Variants in NBAS observed in about 807,000 individuals in gnomAD.
The protein encoded by NBAS is NAG/BC035112 fusion.
Under a neutral mutation model 302.5 loss-of-function variants are expected in NBAS, and 219 were observed. The ratio of observed to expected loss-of-function variants is 0.72; its 90% CI spans 0.65 to 0.81. The LOEUF (loss-of-function observed/expected upper bound fraction) is 0.81, where lower values mean the gene tolerates loss of function less well. Among genes scored for constraint, NBAS ranks in the 30% least tolerant of loss-of-function variants. NBAS has a pLI of 0.00. For synonymous variants in NBAS, 1,118 were observed against 1,021.6 expected (o/e 1.09, Z -1.80); for missense variants, 2,932 against 2,841.6 (o/e 1.03, Z -0.72).
At chr2:15,250,255 G>A (rs973990179) in intron 44 of NBAS, among the ~76,000 whole-genome samples, 1 of 152,194 alleles carries the variant, frequency 6.6e-6, no homozygotes, top group African/African-American at 2.4e-5. Context: ...AAACTGGCTA[G>A]GCATATGCAG....
the NBAS span, among the ~76,000 whole-genome samples, chr2:15,066,998 C>G: frequency 6.6e-6 from 1 of 151,864 alleles, no homozygotes; most frequent in Non-Finnish European, 1.5e-5. Context: ...TGTAATAATG[C>G]ATACAATAGA....
the NBAS span, among the ~76,000 whole-genome samples, chr2:15,044,930 AT>A: frequency 1.3e-5 from 2 of 152,230 alleles, no homozygotes; most frequent in Non-Finnish European, 2.9e-5. Flanking sequence ...CCAAAACATA[AT>A]TGGGGTAAGG....
chr2:15,294,056 G>A (rs1042282386), intron 40 of NBAS, among the ~76,000 whole-genome samples: 3 of 151,992 alleles, frequency 2.0e-5, no homozygotes, highest in African/African-American at 7.3e-5. Flanking sequence ...TAAATTTCTT[G>A]TGCACCTGTT....
intron 13 of NBAS, among the ~76,000 whole-genome samples, chr2:15,477,995 T>C (rs1266820416): frequency 2.6e-5 from 4 of 152,230 alleles, no homozygotes; most frequent in African/African-American, 4.8e-5. Context: ...CTTCTAAGCA[T>C]TGAACTCAGT....
chr2:14,780,717 A>T, the NBAS span, among the ~76,000 whole-genome samples: 161 of 152,310 alleles, frequency 1.1e-3, no homozygotes, highest in African/African-American at 3.8e-3. Context: ...TTCACCCCAA[A>T]TAACTTAGGG....
the NBAS span, among the ~76,000 whole-genome samples, chr2:14,835,424 A>G: frequency 6.6e-6 from 1 of 152,040 alleles, no homozygotes; most frequent in Admixed American, 6.6e-5. Context: ...GAGGAGACAG[A>G]GCATTCCCAG....
chr2:15,352,338 C>T (rs547210194), intron 34 of NBAS, among the ~76,000 whole-genome samples: 24 of 152,234 alleles, frequency 1.6e-4, no homozygotes, highest in African/African-American at 5.5e-4. Flanking sequence ...GTGTTCAGGT[C>T]TGGAACAGCC....
chr2:15,366,602 A>G lies in NBAS; in HGVS notation c.3795T>C (p.Leu1265=), dbSNP rs536058496. ...CYKQSTKLLG[L]AELLRVAGEN... Reference sequence around the variant, plus strand: ...TACCTGCAACCCTCAGCAGCTCAGCAAGGCCCAGAAGCTTGGTGGATTGTT... The same window carrying G: ...TACCTGCAACCCTCAGCAGCTCAGCGAGGCCCAGAAGCTTGGTGGATTGTT... Residue 1265 remains leucine, a synonymous_variant, in exon 32 of 52, where the codon CTT becomes CTC. Transcript: ENST00000281513. 8.7e-6 allele frequency: 14 copies of G among 1,614,106 alleles called. No individual in the cohort carries two copies. The South Asian group carries it at 1.5e-4, about 18-fold the overall frequency.
intron 44 of NBAS, among the ~76,000 whole-genome samples, chr2:15,258,916 G>T (rs990262172): frequency 6.6e-6 from 1 of 152,162 alleles, no homozygotes; most frequent in African/African-American, 2.4e-5. Context: ...CTGGTTTTGC[G>T]GCTCAGATGG....
chr2:14,982,536 T>C, the NBAS span, among the ~76,000 whole-genome samples: 5 of 152,118 alleles, frequency 3.3e-5, no homozygotes, highest in African/African-American at 1.2e-4. Context: ...AGAAAATGAC[T>C]AGTCACTTCT....
the NBAS span, among the ~76,000 whole-genome samples, chr2:14,783,785 G>C: frequency 6.6e-6 from 1 of 152,062 alleles, no homozygotes; most frequent in African/African-American, 2.4e-5. Flanking sequence ...AAACATATGT[G>C]TGCATATGTC....
At chr2:14,884,968 A>G in the NBAS span, among the ~76,000 whole-genome samples, 2 of 152,324 alleles carry the variant, frequency 1.3e-5, no homozygotes, top group South Asian at 4.1e-4. Context: ...TAGACAGACA[A>G]TGTGAGACAA....
chr2:14,998,713 C>A, the NBAS span, among the ~76,000 whole-genome samples: 1 of 152,136 alleles, frequency 6.6e-6, no homozygotes, highest in African/African-American at 2.4e-5. Context: ...ATGTGTCTCA[C>A]ATACACACAC....
At chr2:14,819,455 C>T in the NBAS span, among the ~76,000 whole-genome samples, 1 of 152,130 alleles carries the variant, frequency 6.6e-6, no homozygotes. Flanking sequence ...GATTTTTAAG[C>T]CCAGCTATGA....
At chr2:15,096,654 A>G in the NBAS span, among the ~76,000 whole-genome samples, 1 of 152,138 alleles carries the variant, frequency 6.6e-6, no homozygotes, top group Non-Finnish European at 1.5e-5. Flanking sequence ...GGGAGGTGCC[A>G]TGTTACCAAG....
rs374709670 is a variant in NBAS at position 15,394,238 on chromosome 2, G to A, written c.3246C>T (p.His1082=). 3.7e-6 allele frequency: 6 copies of A among 1,608,688 alleles called. No homozygotes were observed. Among genetic ancestry groups the A allele is most frequent in the Non-Finnish European group, 5.1e-6 (6 of 1,176,830 alleles). Residue 1082 remains histidine (H), a synonymous_variant, in exon 28 of 52, where the codon CAC becomes CAT. Coordinates refer to ENST00000281513, the MANE Select transcript of NBAS (RefSeq NM_015909.4). The stretch of plus-strand genomic sequence containing the variant: ...ATTTTATTACTCACTTCCGGCCAGT[G>A]TGCCTCGTCAATCTAACCATCAGCT... ...ARKLMVRLTR[H]TGRKQPPVSE... is the part of the protein sequence containing the mutation.
intron 1 of NBAS, among the ~76,000 whole-genome samples, chr2:15,558,954 A>G (rs1474002331): frequency 1.4e-5 from 2 of 147,792 alleles, no homozygotes; most frequent in African/African-American, 4.9e-5. Context: ...CTATAGTCCC[A>G]GCTACTTGGG....
intron 41 of NBAS, among the ~76,000 whole-genome samples, chr2:15,290,667 G>A (rs1389405781): frequency 1.3e-5 from 2 of 152,166 alleles, no homozygotes; most frequent in Admixed American, 1.3e-4. Context: ...ACTCTTTAAA[G>A]CTCTCTAGTT....
intron 25 of NBAS, among the ~76,000 whole-genome samples, chr2:15,406,103 T>TAAAA (rs71400653): frequency 2.9e-4 from 33 of 115,036 alleles, no homozygotes; most frequent in Non-Finnish European, 4.4e-4. Context: ...CAATAACATG[T>TAAAA]AAAAAAAAAA....
Sources: gnomAD v4.1 joint callset for allele counts (sites outside exome capture counted in the v4.1 genomes callset) on GRCh38, gnomAD v4.1.1 for gene constraint, MANE v1.5 for transcripts, NCBI Gene and HGNC (gene_info 2026-07-23, HGNC 2026-07-21) for gene names.